The following CRACD variants were observed in gnomAD, a reference collection of about 807,000 sequenced individuals.
CRACD encodes the protein capping protein inhibiting regulator of actin dynamics.
Under a neutral mutation model 106.8 loss-of-function variants are expected in CRACD, and 56 were observed. That is an observed-to-expected ratio of 0.52 (90% confidence interval 0.42 to 0.66). CRACD has a LOEUF of 0.66. Ranked by LOEUF, CRACD falls within the 30% of genes least tolerant of loss-of-function variation. The pLI, the probability that CRACD is intolerant of heterozygous loss-of-function variation, is 0.00. For missense variants in CRACD, 1,730 were observed against 1,623.2 expected, an observed-to-expected ratio of 1.07 and a Z score of -1.13; for synonymous variants, 754 against 670.8, an observed-to-expected ratio of 1.12 and a Z score of -1.92.
At chr4:56,076,851 G>C (rs565386805) in intron 1 of CRACD, among the ~76,000 whole-genome samples, 2 of 152,294 alleles carry the variant, frequency 1.3e-5, no homozygotes, top group African/African-American at 4.8e-5. Flanking sequence ...ATCCAGCAGA[G>C]TGCAAAAATG....
chr4:56,162,735 T>C (rs190360644), intron 1 of CRACD, among the ~76,000 whole-genome samples: 1 of 152,334 alleles, frequency 6.6e-6, no homozygotes, highest in African/African-American at 2.4e-5. Context: ...ACAGCAGAGA[T>C]GAGGCATTCA....
intron 3 of CRACD, among the ~76,000 whole-genome samples, chr4:56,296,708 C>T (rs768617048): frequency 6.6e-6 from 1 of 152,182 alleles, no homozygotes; most frequent in Non-Finnish European, 1.5e-5. Flanking sequence ...TCTCTCTCCC[C>T]TCCAAGTGCT....
At chr4:56,308,723 G>T (rs1396272680) in intron 5 of CRACD, 5 of 985,238 alleles carry the variant, frequency 5.1e-6, no homozygotes, top group Non-Finnish European at 6.0e-6. Flanking sequence ...GACACCCTTT[G>T]TGTGGTAGGT....
At chr4:56,214,850 A>G (rs1213054655) in intron 2 of CRACD, among the ~76,000 whole-genome samples, 1 of 151,338 alleles carries the variant, frequency 6.6e-6, no homozygotes. Flanking sequence ...GTCTCTACTG[A>G]AAACATAAAA....
In CRACD at chr4:56,055,142, A is replaced by G. The variant is rs1732011879; in HGVS notation, c.-336+5843A>G. Among the ~76,000 whole-genome samples, 3 of 152,290 alleles carry G rather than the reference A, an allele frequency of 2.0e-5. No homozygotes were observed. The South Asian group carries it at 6.2e-4, about 32-fold the overall frequency. ...TTAGAAAAAGGAAGGACAAGTTGCT[A>G]AAAAGGCATTTTGTTTTTACCAGGG... is the stretch of plus-strand genomic sequence containing the variant. On this transcript the variant is annotated intron_variant, in intron 1 of 10. Transcript: ENST00000682029.
chr4:56,057,050 T>C (rs202147257), intron 1 of CRACD, among the ~76,000 whole-genome samples: 1 of 152,246 alleles, frequency 6.6e-6, no homozygotes, highest in East Asian at 1.9e-4. Flanking sequence ...GAATAAAATA[T>C]TGTTAAAATT....
At chr4:56,117,017 A>ATTTTT (rs751420774) in intron 1 of CRACD, among the ~76,000 whole-genome samples, 1 of 96,256 alleles carries the variant, frequency 1.0e-5, no homozygotes, top group African/African-American at 3.9e-5. Flanking sequence ...CGAATTTTTA[A>ATTTTT]TTTTTTTTTT....
At chr4:56,118,932 C>T (rs1371015741) in intron 1 of CRACD, among the ~76,000 whole-genome samples, 2 of 152,126 alleles carry the variant, frequency 1.3e-5, no homozygotes, top group African/African-American at 4.8e-5. Flanking sequence ...TAATTTTTTA[C>T]TTACATCAAC....
Position 56,327,953 on chromosome 4 carries a change from G to A in CRACD, c.*149G>A. ...AAAATAATGTTTAGAAACTGAACTG[G>A]TGGTGTTCATTGTAAAGAGTGGATT... On this transcript the variant is annotated 3_prime_UTR_variant, in exon 11 of 11. Coordinates refer to ENST00000682029, the MANE Select transcript of CRACD (RefSeq NM_001393381.1). The A allele has an allele frequency of 1.4e-6, 1 of 693,502 alleles. No individual in the cohort carries two copies. The highest frequency in any genetic ancestry group is 2.3e-6 in the Non-Finnish European group (1 of 434,824). The allele number at this position is 693,502 out of a possible 1,614,324, so 43.0% of individuals were successfully genotyped here.
intron 1 of CRACD, among the ~76,000 whole-genome samples, chr4:56,050,484 T>C (rs559274753): frequency 1.3e-5 from 2 of 152,160 alleles, no homozygotes; most frequent in Non-Finnish European, 2.9e-5. Flanking sequence ...ATTGTGGAAT[T>C]ATATAAAAAA....
At position 56,214,681 on chromosome 4, in the gene CRACD, C is replaced by CTCTCTCTCTCTCTCTATA; in HGVS notation, c.-189+35252_-189+35253insCTCTCTCTCTCTCTATAT. On this transcript the variant is annotated intron_variant, in intron 2 of 10. Transcript: ENST00000682029. ...TCTCTCTCTCTCTCTCTCTCTCTCT[C>CTCTCTCTCTCTCTCTATA]TATATATATATATATCAAACAGTTA... 1.6e-4 allele frequency among the ~76,000 whole-genome samples: 13 copies of CTCTCTCTCTCTCTCTATA among 80,994 alleles called. No individual in the cohort carries two copies. In the South Asian group the frequency reaches 3.6e-3, roughly 22 times the overall value. The allele number at this position is 80,994 out of a possible 152,430, so 53.1% of individuals were successfully genotyped here.
intron 1 of CRACD, among the ~76,000 whole-genome samples, chr4:56,069,364 A>G (rs1732561011): frequency 6.6e-6 from 1 of 152,262 alleles, no homozygotes; most frequent in African/African-American, 2.4e-5. Context: ...GAGAGTCTTT[A>G]GTTTAGAGAT....
At chr4:56,253,138 A>G (rs1034489595) in intron 2 of CRACD, among the ~76,000 whole-genome samples, 2 of 152,194 alleles carry the variant, frequency 1.3e-5, no homozygotes, top group Non-Finnish European at 2.9e-5. Context: ...AAGAGGAGAC[A>G]TGAAACGACT....
intron 2 of CRACD, among the ~76,000 whole-genome samples, chr4:56,199,255 ATGT>A (rs1428829418): frequency 6.6e-6 from 1 of 152,244 alleles, no homozygotes; most frequent in Non-Finnish European, 1.5e-5. Context: ...AAGTGCTGAA[ATGT>A]TGTGGCAAAT....
At chr4:56,090,254 T>C (rs1179873472) in intron 1 of CRACD, among the ~76,000 whole-genome samples, 1 of 152,156 alleles carries the variant, frequency 6.6e-6, no homozygotes, top group African/African-American at 2.4e-5. Context: ...GTACAGTATT[T>C]AAGGGGAGCT....
At chr4:56,224,989 C>T in intron 2 of CRACD, among the ~76,000 whole-genome samples, 1 of 152,172 alleles carries the variant, frequency 6.6e-6, no homozygotes, top group East Asian at 1.9e-4. Flanking sequence ...GCCCATGTGC[C>T]CTTCAGTGTC....
At chr4:56,198,880 A>C (rs1268725033) in intron 2 of CRACD, among the ~76,000 whole-genome samples, 1 of 152,266 alleles carries the variant, frequency 6.6e-6, no homozygotes, top group Non-Finnish European at 1.5e-5. Context: ...CTCGTGATTC[A>C]GATTTCATAA....
chr4:56,323,642 C>A, intron 9 of CRACD, 75 bp downstream of exon 9: 2 of 1,366,562 alleles, frequency 1.5e-6, no homozygotes, highest in Non-Finnish European at 1.9e-6. Context: ...GGATACAAAA[C>A]AAAAGGCTAG....
intron 2 of CRACD, among the ~76,000 whole-genome samples, chr4:56,242,997 G>C (rs1258968041): frequency 6.6e-6 from 1 of 152,132 alleles, no homozygotes; most frequent in East Asian, 1.9e-4. Flanking sequence ...TGTCATTTGA[G>C]AGTCCCGAAT....
Sources: allele counts gnomAD v4.1 joint callset (sites outside exome capture counted in the v4.1 genomes callset), GRCh38; gene constraint gnomAD v4.1.1; transcripts MANE v1.5; gene names NCBI Gene and HGNC (gene_info 2026-07-23, HGNC 2026-07-21).